Variants in C10orf53 observed in about 807,000 individuals in gnomAD.
C10orf53 encodes chromosome 10 open reading frame 53, also known as UPF0728 protein C10orf53.
Under a neutral mutation model 9.4 loss-of-function variants are expected in C10orf53, and 8 were observed. The observed-to-expected ratio is 0.85, with a 90% CI of 0.50 to 1.53. The LOEUF (loss-of-function observed/expected upper bound fraction) is 1.53. C10orf53 is among the 40% of genes most tolerant of loss of function. The pLI is 0.00. For missense variants in C10orf53, 117 were observed against 117.8 expected, an observed-to-expected ratio of 0.99 and a Z score of 0.03; for synonymous variants, 48 against 46.0, an observed-to-expected ratio of 1.04 and a Z score of -0.18.
chr10:49,700,014 T>G (rs1385272584), downstream of C10orf53, among the ~76,000 whole-genome samples: 1 of 152,136 alleles, frequency 6.6e-6, no homozygotes, highest in Non-Finnish European at 1.5e-5. Flanking sequence ...ATGTTCTGTT[T>G]AGAGGAAGTT....
At chr10:49,700,544 T>C (rs932659070), downstream of C10orf53, among the ~76,000 whole-genome samples, 7 of 152,164 alleles carry the variant, frequency 4.6e-5, no homozygotes, top group African/African-American at 1.4e-4. Flanking sequence ...GGGTTGGCGG[T>C]TGTGAGAGAG....
At chr10:49,698,557 A>C (rs1243877324), downstream of C10orf53, among the ~76,000 whole-genome samples, 1 of 152,206 alleles carries the variant, frequency 6.6e-6, no homozygotes, top group East Asian at 1.9e-4. Flanking sequence ...AACTGGTGAC[A>C]ATCAACAAAT....
chr10:49,698,411 C>T (rs760875804), downstream of C10orf53, among the ~76,000 whole-genome samples: 3 of 152,142 alleles, frequency 2.0e-5, no homozygotes, highest in African/African-American at 4.8e-5. Flanking sequence ...GAAGGGAGGA[C>T]TGAACACATG....
At position 49,696,882 on chromosome 10, in the gene C10orf53, T is replaced by C. The variant is rs942186133; in HGVS notation, c.*2280T>C. Among the ~76,000 whole-genome samples, 1 of 152,178 alleles carries C rather than the reference T, an allele frequency of 6.6e-6. No homozygotes were observed. Among genetic ancestry groups the C allele is most frequent in the African/African-American group, 2.4e-5 (1 of 41,440 alleles). ...TTTGTATGTAAGTGTGTGTTAGGGGTACTTTTCAGATAAAAACTTAAAATC... is the reference window on the plus strand; with the variant it reads ...TTTGTATGTAAGTGTGTGTTAGGGGCACTTTTCAGATAAAAACTTAAAATC... On this transcript the variant is annotated 3_prime_UTR_variant, in exon 3 of 3. Transcript: ENST00000374111.
At chr10:49,693,744 G>A in intron 1 of C10orf53, 30 bp from the exon 2 acceptor site, 1 of 1,607,742 alleles carries the variant, frequency 6.2e-7, no homozygotes, top group Non-Finnish European at 8.5e-7. Context: ...CTGACCCCAT[G>A]TCACTCACCT....
chr10:49,694,427 C>T, intron 2 of C10orf53, 111 bp from the exon 3 acceptor site: 2 of 1,414,266 alleles, frequency 1.4e-6, no homozygotes, highest in South Asian at 1.2e-5. Flanking sequence ...TAACATTTTA[C>T]CAGCCCATGG....
downstream of C10orf53, among the ~76,000 whole-genome samples, chr10:49,700,710 G>A (rs115948215): frequency 1.4e-3 from 217 of 152,288 alleles, 1 homozygote; most frequent in African/African-American, 4.9e-3. Flanking sequence ...AGGAAGGCCT[G>A]GGGGAAGAGA....
chr10:49,687,302 A>G (rs1194752342), intron 1 of C10orf53, among the ~76,000 whole-genome samples: 2 of 152,228 alleles, frequency 1.3e-5, no homozygotes, highest in African/African-American at 4.8e-5. Context: ...ATAAATGAAC[A>G]TTTTGTTATA....
Position 49,679,744 on chromosome 10 carries a change from C to T in C10orf53, c.47C>T (p.Ala16Val), listed in dbSNP as rs571664551. The T allele has an allele frequency of 2.5e-5, 39 of 1,547,228 alleles. No individual in the cohort carries two copies. The East Asian group carries it at 8.1e-4, about 32-fold the overall frequency. Residue 16 changes from alanine to valine, a missense_variant, in exon 1 of 3, where the codon GCG (alanine) becomes GTG (valine). Transcript: ENST00000374111. ...ATCCTGCGCTATGGGCCCTACAGCGCGGCAGGCCTACCGGTGGAGCACCAC... is the reference window on the plus strand; with the variant it reads ...ATCCTGCGCTATGGGCCCTACAGCGTGGCAGGCCTACCGGTGGAGCACCAC... The part of the protein sequence containing the change: ...VVILRYGPYS[A>V]AGLPVEHHTF...
At chr10:49,701,544 C>G (rs1306722284), downstream of C10orf53, among the ~76,000 whole-genome samples, 2 of 152,220 alleles carry the variant, frequency 1.3e-5, no homozygotes, top group African/African-American at 4.8e-5. Context: ...TACACACAAT[C>G]AGGGTACCCC....
chr10:49,694,023 C>A, intron 2 of C10orf53, 130 bp downstream of exon 2: 2 of 1,314,196 alleles, frequency 1.5e-6, no homozygotes, highest in Non-Finnish European at 1.1e-6. Flanking sequence ...GAAACTTGTA[C>A]TGAAAGCCCT....
chr10:49,689,674 G>A (rs946290588), intron 1 of C10orf53, among the ~76,000 whole-genome samples: 2 of 152,246 alleles, frequency 1.3e-5, no homozygotes, highest in African/African-American at 2.4e-5. Context: ...CCTACACAGC[G>A]CTGAAGAAGA....
intron 1 of C10orf53, among the ~76,000 whole-genome samples, chr10:49,689,605 T>C (rs1307197376): frequency 6.6e-6 from 1 of 152,050 alleles, no homozygotes; most frequent in Admixed American, 6.5e-5. Context: ...AGCGAAAAAT[T>C]GGAAACAATC....
At chr10:49,684,431 T>G (rs1590638830) in intron 1 of C10orf53, among the ~76,000 whole-genome samples, 1 of 152,360 alleles carries the variant, frequency 6.6e-6, no homozygotes, top group South Asian at 2.1e-4. Flanking sequence ...GCATTGAATC[T>G]GTATAATCCT....
intron 1 of C10orf53, among the ~76,000 whole-genome samples, chr10:49,690,376 G>C (rs1402227635): frequency 6.6e-6 from 1 of 152,186 alleles, no homozygotes; most frequent in African/African-American, 2.4e-5. Context: ...CCGCACAGCA[G>C]GCAGAGAGTG....
chr10:49,708,664 A>G, exon 3 of C10orf53: 1 of 1,600,906 alleles, frequency 6.2e-7, no homozygotes, highest in South Asian at 1.1e-5. Context: ...CACAAAAGGA[A>G]AATGGTGGGT....
chr10:49,703,950 C>T (rs1840704885), intron 2 of C10orf53, among the ~76,000 whole-genome samples: 1 of 152,186 alleles, frequency 6.6e-6, no homozygotes, highest in African/African-American at 2.4e-5. Flanking sequence ...TCTCAAATCA[C>T]TGGAGAAAAG....
At chr10:49,694,009 GTTTGAAAC>G in intron 2 of C10orf53, 116 bp downstream of exon 2, 8 of 1,456,968 alleles carry the variant, frequency 5.5e-6, no homozygotes, top group Non-Finnish European at 9.5e-7. Flanking sequence ...TTCTTTCTGA[GTTTGAAAC>G]TTGTACTGAA....
Position 49,694,683 on chromosome 10 carries a change from G to T in C10orf53, c.*81G>T, listed in dbSNP as rs1467108109. On this transcript the variant is annotated 3_prime_UTR_variant, in exon 3 of 3. Transcript: ENST00000374111. ...CTATGATGCAGGCAGAAGTGGCTGT[G>T]CCACGGTGTGGACACTGGGCTCTGC... is the stretch of plus-strand genomic sequence containing the variant. The T allele has an allele frequency of 1.0e-5, 16 of 1,606,408 alleles. No homozygotes were observed. The South Asian group carries it at 1.7e-4, about 17-fold the overall frequency.
Sources: gnomAD v4.1 joint callset for allele counts (sites outside exome capture counted in the v4.1 genomes callset) on GRCh38, gnomAD v4.1.1 for gene constraint, MANE v1.5 for transcripts, NCBI Gene and HGNC (gene_info 2026-07-23, HGNC 2026-07-21) for gene names.